Variants in RHBDL3 observed in about 807,000 individuals in gnomAD.
RHBDL3 encodes rhomboid like 3.
RHBDL3 carries 28 observed loss-of-function variants against 48.2 expected under a neutral mutation model. The ratio of observed to expected loss-of-function variants is 0.58; its 90% CI spans 0.43 to 0.80. The LOEUF (loss-of-function observed/expected upper bound fraction) is 0.80. RHBDL3 is among the 30% of genes least tolerant of loss of function. The pLI is 0.00. For synonymous variants in RHBDL3, 208 were observed against 232.3 expected, an observed-to-expected ratio of 0.90 and a Z score of 0.95; for missense variants, 464 against 542.7, an observed-to-expected ratio of 0.85 and a Z score of 1.44.
chr17:32,288,328 A>G (rs559460107), intron 3 of RHBDL3: 75 of 160,834 alleles, frequency 4.7e-4, no homozygotes, highest in Middle Eastern at 3.2e-3. Context: ...ATTGCTGGTT[A>G]CTAATCTGTC....
At chr17:32,305,271 A>G in intron 6 of RHBDL3, 70 bp from the exon 7 acceptor site, 1 of 1,027,558 alleles carries the variant, frequency 9.7e-7, no homozygotes, top group South Asian at 1.3e-5. Context: ...TGCAGAATCC[A>G]AGGCCTGGGG....
intron 7 of RHBDL3, among the ~76,000 whole-genome samples, chr17:32,311,626 C>CT (rs964113311): frequency 2.6e-5 from 4 of 152,162 alleles, no homozygotes; most frequent in African/African-American, 7.2e-5. Context: ...ACTGGATCAG[C>CT]TTGGCAAGCT....
intron 2 of RHBDL3, among the ~76,000 whole-genome samples, chr17:32,279,707 T>C (rs1012047705): frequency 3.9e-5 from 6 of 152,328 alleles, no homozygotes; most frequent in Non-Finnish European, 7.3e-5. Context: ...GGCACGCTTA[T>C]GTGCACGGGG....
At chr17:32,311,008 A>G (rs1201345124) in intron 7 of RHBDL3, among the ~76,000 whole-genome samples, 1 of 151,924 alleles carries the variant, frequency 6.6e-6, no homozygotes, top group Non-Finnish European at 1.5e-5. Flanking sequence ...TCTTGAAGTC[A>G]TTTCACAAGA....
chr17:32,305,551 C>G lies in RHBDL3; in HGVS notation c.882+110C>G, dbSNP rs78277760. 77 of 769,500 alleles carry G rather than the reference C, an allele frequency of 1.0e-4. 2 individuals carry two copies. The East Asian group carries it at 1.2e-3, about 12-fold the overall frequency. 47.7% of individuals were successfully genotyped at this position (769,500 alleles called of 1,614,324 possible). A position where few individuals can be genotyped will look rare whatever the true frequency, so the allele number is the denominator to read the frequency against. ...TCACCAAAAACCAGGCAGACCTGAC[C>G]TGGAGCAGAGTTCTCACACACTCCT... On this transcript the variant is annotated intron_variant, in intron 7 of 8. Transcript: ENST00000269051.
chr17:32,298,525 C>T (rs1272201672), intron 6 of RHBDL3, among the ~76,000 whole-genome samples: 7 of 152,196 alleles, frequency 4.6e-5, no homozygotes, highest in Non-Finnish European at 1.0e-4. Context: ...CCTCTTTTGG[C>T]CATGTTAAGC....
At chr17:32,288,236 C>T (rs1445775851) in intron 3 of RHBDL3, 1 of 152,986 alleles carries the variant, frequency 6.5e-6, no homozygotes, top group Admixed American at 6.5e-5. Flanking sequence ...CTCCAGGAAG[C>T]CTTCCTTGAC....
rs537208396 is a variant in RHBDL3, at chr17:32,321,791, G to A, written c.*562G>A. On this transcript the variant is annotated 3_prime_UTR_variant, in exon 9 of 9. Transcript: ENST00000269051. ...GAAACCAGGGTGCCCTCCTGGGCTG[G>A]TTGGTGTGCACCGGGGCATGATCTG... 10 of 207,524 alleles carry A rather than the reference G, an allele frequency of 4.8e-5. No individual in the cohort carries two copies. In the South Asian group the frequency reaches 7.2e-4, roughly 15 times the overall value. The allele number at this position is 207,524 out of a possible 1,614,324, so 12.9% of individuals were successfully genotyped here.
In RHBDL3 at chr17:32,316,219, C is replaced by T; in HGVS notation, c.883-13C>T. ...TCTAATCTGGAACTGACTGAGCTCTCCTTTTTCCCTAGAACTGGTCAGGCA... is the reference window on the plus strand; with the variant it reads ...TCTAATCTGGAACTGACTGAGCTCTTCTTTTTCCCTAGAACTGGTCAGGCA... On this transcript the variant is annotated splice_polypyrimidine_tract_variant and intron_variant, in intron 7 of 8. Transcript: ENST00000269051. 1 of 1,608,828 alleles carries T rather than the reference C, an allele frequency of 6.2e-7. No individual in the cohort carries two copies. Among genetic ancestry groups the T allele is most frequent in the Non-Finnish European group, 8.5e-7 (1 of 1,175,312 alleles).
chr17:32,272,916 C>T lies in RHBDL3; in HGVS notation c.135+4991C>T, dbSNP rs558723974. ...ACACTCACGGCAGCCCCTCTGCCAC[C>T]GTATGGCTGCTGCCACCTCAAGGAA... On this transcript the variant is annotated intron_variant, in intron 2 of 8. Transcript: ENST00000269051. Among the ~76,000 whole-genome samples the T allele has an allele frequency of 2.6e-5, 4 of 152,324 alleles. No homozygotes were observed. In the East Asian group the frequency reaches 5.8e-4, roughly 22 times the overall value.
intron 5 of RHBDL3, among the ~76,000 whole-genome samples, chr17:32,297,092 C>T (rs192699965): frequency 4.0e-5 from 6 of 151,308 alleles, no homozygotes; most frequent in African/African-American, 9.7e-5. Flanking sequence ...CTCAGGTGAT[C>T]CACCTGTCTG....
chr17:32,291,115 T>C (rs981791428), intron 4 of RHBDL3, among the ~76,000 whole-genome samples: 1 of 151,448 alleles, frequency 6.6e-6, no homozygotes, highest in Non-Finnish European at 1.5e-5. Flanking sequence ...GGCGGATCAC[T>C]TGAGGTTAGG....
chr17:32,322,918 G>A lies in RHBDL3; in HGVS notation c.*1689G>A, dbSNP rs2041171633. On this transcript the variant is annotated 3_prime_UTR_variant, in exon 9 of 9. Coordinates refer to ENST00000269051, the MANE Select transcript of RHBDL3 (RefSeq NM_138328.3). ...GGGAGGAGGCAGGGGGGCTGGGCGT[G>A]TCCAGAAACAGGGGCAGGAGTGTGG... 6.6e-6 allele frequency: 1 copy of A among 152,564 alleles called. No homozygotes were observed. Among genetic ancestry groups the A allele is most frequent in the African/African-American group, 2.4e-5 (1 of 41,456 alleles). 9.5% of individuals were successfully genotyped at this position (152,564 alleles called of 1,614,324 possible). A position where few individuals can be genotyped will look rare whatever the true frequency, so the allele number is the denominator to read the frequency against.
At chr17:32,315,725 T>C (rs190437951) in intron 7 of RHBDL3, among the ~76,000 whole-genome samples, 1 of 152,016 alleles carries the variant, frequency 6.6e-6, no homozygotes, top group East Asian at 1.9e-4. Flanking sequence ...CAGGTTACAC[T>C]GAATTGAATG....
At chr17:32,292,149 A>T (rs1273414003) in intron 4 of RHBDL3, among the ~76,000 whole-genome samples, 3 of 152,110 alleles carry the variant, frequency 2.0e-5, no homozygotes, top group Non-Finnish European at 2.9e-5. Context: ...TTTTAGAAGG[A>T]GTCCCAGAAA....
At chr17:32,319,421 C>CA (rs541383037) in intron 8 of RHBDL3, among the ~76,000 whole-genome samples, 26,973 of 79,448 alleles carry the variant, frequency 0.34, 4,959 homozygotes, top group Non-Finnish European at 0.43. Flanking sequence ...GATTCCGTCT[C>CA]AAAAAAAAAA....
At chr17:32,295,608 T>C (rs1200831665) in intron 5 of RHBDL3, among the ~76,000 whole-genome samples, 1 of 152,210 alleles carries the variant, frequency 6.6e-6, no homozygotes, top group Non-Finnish European at 1.5e-5. Context: ...TTTCCAGGAC[T>C]GCCCCCTGAC....
At position 32,290,940 on chromosome 17, in the gene RHBDL3, G is replaced by A. The variant is rs546712563; in HGVS notation, c.519+1924G>A. 2.1e-4 allele frequency among the ~76,000 whole-genome samples: 31 copies of A among 147,332 alleles called. 1 individual carries two copies. Among genetic ancestry groups the A allele is most frequent in the African/African-American group, 7.9e-4 (31 of 39,484 alleles). ...CGCTTCAGCCCAGGAGGTCAAGGCTGTAGTGAGCTGTGTCCATGCCACATC... is the reference window on the plus strand; with the variant it reads ...CGCTTCAGCCCAGGAGGTCAAGGCTATAGTGAGCTGTGTCCATGCCACATC... On this transcript the variant is annotated intron_variant, in intron 4 of 8. Coordinates refer to ENST00000269051, the MANE Select transcript of RHBDL3 (RefSeq NM_138328.3).
At chr17:32,282,352 A>T (rs1324705111) in intron 2 of RHBDL3, among the ~76,000 whole-genome samples, 2 of 152,154 alleles carry the variant, frequency 1.3e-5, no homozygotes, top group Non-Finnish European at 2.9e-5. Flanking sequence ...GGATCACTTA[A>T]GCCCAGGAGT....
Sources: gnomAD v4.1 joint callset for allele counts (sites outside exome capture counted in the v4.1 genomes callset) on GRCh38, gnomAD v4.1.1 for gene constraint, MANE v1.5 for transcripts, NCBI Gene and HGNC (gene_info 2026-07-23, HGNC 2026-07-21) for gene names.